The following DPP6 variants were observed in gnomAD, a reference collection of about 807,000 sequenced individuals.
DPP6 encodes the protein dipeptidyl peptidase like 6.
In DPP6, 69 loss-of-function variants were observed where a neutral mutation model predicts 122.6. The ratio of observed to expected loss-of-function variants is 0.56; its 90% CI spans 0.46 to 0.69. DPP6 has a LOEUF of 0.69. Among genes scored for constraint, DPP6 ranks in the 30% least tolerant of loss-of-function variants. The pLI is 0.00. For synonymous variants in DPP6, 418 were observed against 433.1 expected (o/e 0.97, Z 0.43); for missense variants, 928 against 1,116.9 (o/e 0.83, Z 2.41).
intron 1 of DPP6, among the ~76,000 whole-genome samples, chr7:154,024,897 C>T (rs766582421): frequency 9.2e-5 from 14 of 152,118 alleles, no homozygotes; most frequent in African/African-American, 2.4e-4. Context: ...TTATGTGGCA[C>T]GAGCTGGAAT....
intron 5 of DPP6, among the ~76,000 whole-genome samples, chr7:154,617,486 A>G (rs1391340862): frequency 6.6e-6 from 1 of 152,182 alleles, no homozygotes; most frequent in East Asian, 1.9e-4. Flanking sequence ...CCAGGAATCA[A>G]GGGTCATCTA....
intron 1 of DPP6, among the ~76,000 whole-genome samples, chr7:153,897,639 T>G (rs1799466908): frequency 6.6e-6 from 1 of 152,222 alleles, no homozygotes; most frequent in South Asian, 2.1e-4. Context: ...GGAAAATGTC[T>G]CTATTTCTTT....
chr7:153,799,677 A>G, the DPP6 span, among the ~76,000 whole-genome samples: 2 of 152,016 alleles, frequency 1.3e-5, no homozygotes, highest in African/African-American at 2.4e-5. Flanking sequence ...AAAATGTTTG[A>G]AATTTGCCAC....
chr7:154,340,218 TC>T (rs1809808140), intron 1 of DPP6, among the ~76,000 whole-genome samples: 1 of 152,248 alleles, frequency 6.6e-6, no homozygotes, highest in African/African-American at 2.4e-5. Context: ...TTAACTAATC[TC>T]TTTTATGTAG....
chr7:154,235,998 G>A (rs752731878), intron 1 of DPP6, among the ~76,000 whole-genome samples: 11 of 151,998 alleles, frequency 7.2e-5, no homozygotes, highest in Non-Finnish European at 1.5e-4. Flanking sequence ...GATTATGTGC[G>A]TGCGCCACTA....
rs551236892 is a variant in DPP6 at position 154,832,116 on chromosome 7, A to G, written c.1667-21664A>G. On this transcript the variant is annotated intron_variant, in intron 16 of 25. Transcript: ENST00000377770. Reference sequence around the variant, plus strand: ...TGTACCAGCACTTCATTTCCCTAAAACAGGTTATGACTCTTCTTTCCCTCA... The same window carrying G: ...TGTACCAGCACTTCATTTCCCTAAAGCAGGTTATGACTCTTCTTTCCCTCA... Among the ~76,000 whole-genome samples, 21 of 152,274 alleles carry G rather than the reference A, an allele frequency of 1.4e-4. No individual in the cohort carries two copies. In the South Asian group the frequency reaches 4.4e-3, roughly 32 times the overall value.
chr7:154,209,637 C>CT (rs1470659232), intron 1 of DPP6, among the ~76,000 whole-genome samples: 3 of 151,930 alleles, frequency 2.0e-5, no homozygotes, highest in Admixed American at 2.0e-4. Flanking sequence ...AAAATAATCT[C>CT]TTAAGTGTAA....
At chr7:154,234,679 A>T (rs965595720) in intron 1 of DPP6, among the ~76,000 whole-genome samples, 6 of 152,134 alleles carry the variant, frequency 3.9e-5, no homozygotes, top group Admixed American at 3.3e-4. Flanking sequence ...CAACACACAC[A>T]TGCACACACA....
intron 8 of DPP6, among the ~76,000 whole-genome samples, chr7:154,759,472 C>T (rs1051176816): frequency 2.6e-5 from 4 of 152,196 alleles, no homozygotes; most frequent in Non-Finnish European, 4.4e-5. Context: ...GGAAGGGGAC[C>T]ACCCACGGGC....
intron 16 of DPP6, among the ~76,000 whole-genome samples, chr7:154,850,685 T>A (rs1288059072): frequency 6.6e-6 from 1 of 152,226 alleles, no homozygotes; most frequent in Non-Finnish European, 1.5e-5. Context: ...GTAGATTATA[T>A]GTTTTTAGGA....
chr7:153,952,801 A>G (rs1037926988), intron 1 of DPP6, among the ~76,000 whole-genome samples: 4 of 152,358 alleles, frequency 2.6e-5, no homozygotes, highest in African/African-American at 9.6e-5. Context: ...ACAAGCATTC[A>G]GTTATAGCAA....
the DPP6 span, among the ~76,000 whole-genome samples, chr7:153,761,534 T>C: frequency 2.0e-5 from 3 of 152,216 alleles, no homozygotes; most frequent in Non-Finnish European, 4.4e-5. Flanking sequence ...GAATGTCACC[T>C]TATTTCATCT....
At chr7:154,118,180 G>T (rs1198936923) in intron 1 of DPP6, among the ~76,000 whole-genome samples, 1 of 150,934 alleles carries the variant, frequency 6.6e-6, no homozygotes, top group East Asian at 1.9e-4. Flanking sequence ...GCTCCTCCTA[G>T]AGGCAGGGCA....
intron 5 of DPP6, among the ~76,000 whole-genome samples, chr7:154,578,674 A>T (rs1831845601): frequency 6.6e-6 from 1 of 152,086 alleles, no homozygotes; most frequent in South Asian, 2.1e-4. Context: ...TCTCTCAGTG[A>T]CTTGNCTCTA....
chr7:154,861,568 CTTTT>C (rs1303450648), intron 17 of DPP6, among the ~76,000 whole-genome samples: 2 of 152,120 alleles, frequency 1.3e-5, no homozygotes, highest in African/African-American at 4.8e-5. Context: ...AAGGTCTTTT[CTTTT>C]TAACTTCCGG....
chr7:154,105,689 G>T lies in DPP6; in HGVS notation c.243+52626G>T, dbSNP rs1585388257. Among the ~76,000 whole-genome samples, 3 of 152,142 alleles carry T rather than the reference G, an allele frequency of 2.0e-5. No individual in the cohort carries two copies. The East Asian group carries it at 5.8e-4, about 29-fold the overall frequency. On this transcript the variant is annotated intron_variant, in intron 1 of 25. Coordinates refer to ENST00000377770, the MANE Select transcript of DPP6 (RefSeq NM_130797.4). ...TCATGAGAATGAATAGGGCTTACAA[G>T]AGCTGATGGTTTATAAAGGGGAGTT...
chr7:153,878,926 AATAAAG>A, the DPP6 span, among the ~76,000 whole-genome samples: 8 of 152,228 alleles, frequency 5.3e-5, no homozygotes, highest in East Asian at 1.9e-4. Context: ...GAGGTAAAGA[AATAAAG>A]ATAAAGAGAG....
At chr7:154,372,352 A>C (rs1430242505) in intron 1 of DPP6, among the ~76,000 whole-genome samples, 1 of 152,122 alleles carries the variant, frequency 6.6e-6, no homozygotes, top group Non-Finnish European at 1.5e-5. Flanking sequence ...ATTTTCTGAA[A>C]GACAAGGCAA....
At chr7:154,268,484 A>T (rs1803579378) in intron 1 of DPP6, among the ~76,000 whole-genome samples, 1 of 152,198 alleles carries the variant, frequency 6.6e-6, no homozygotes, top group African/African-American at 2.4e-5. Context: ...TTATAAGGGC[A>T]TTAATCCTAT....
Sources: gnomAD v4.1 joint callset for allele counts (sites outside exome capture counted in the v4.1 genomes callset) on GRCh38, gnomAD v4.1.1 for gene constraint, MANE v1.5 for transcripts, NCBI Gene and HGNC (gene_info 2026-07-23, HGNC 2026-07-21) for gene names.